The following ECPAS variants were observed in gnomAD, a reference collection of about 807,000 sequenced individuals.
ECPAS encodes Ecm29 proteasome adaptor and scaffold.
ECPAS carries 70 observed loss-of-function variants against 255.1 expected under a neutral mutation model. The ratio of observed to expected loss-of-function variants is 0.27; its 90% CI spans 0.23 to 0.33. The LOEUF is 0.33. Among genes scored for constraint, ECPAS ranks in the 10% least tolerant of loss-of-function variants. The pLI is 1.00. For synonymous variants in ECPAS, 784 were observed against 775.0 expected (o/e 1.01, Z -0.19); for missense variants, 1,817 against 2,206.4 (o/e 0.82, Z 3.54).
intron 23 of ECPAS, among the ~76,000 whole-genome samples, chr9:111,409,287 G>C (rs1302565124): frequency 6.6e-6 from 1 of 152,156 alleles, no homozygotes; most frequent in African/African-American, 2.4e-5. Flanking sequence ...GGCCAGGCTC[G>C]GTGGCTCAAG....
At position 111,477,257 on chromosome 9, in the gene ECPAS, C is replaced by T. The variant is rs569514305; in HGVS notation, c.-82-4257G>A. On this transcript the variant is annotated intron_variant, in intron 1 of 49. Coordinates refer to ENST00000684092, the MANE Select transcript of ECPAS (RefSeq NM_001364929.1). ...CCAAGAAGCTGGGACTACAGGTGCA[C>T]GTCCCAACACCCGGCTAATTTTTTT... is the stretch of plus-strand genomic sequence containing the variant. 1.4e-4 allele frequency among the ~76,000 whole-genome samples: 21 copies of T among 151,896 alleles called. No individual in the cohort carries two copies. In the East Asian group the frequency reaches 3.9e-3, roughly 28 times the overall value.
At chr9:111,456,885 T>C (rs1041813509) in intron 2 of ECPAS, among the ~76,000 whole-genome samples, 3 of 152,144 alleles carry the variant, frequency 2.0e-5, no homozygotes, top group African/African-American at 7.2e-5. Context: ...CTCACAAGTA[T>C]ATGATAACTG....
intron 17 of ECPAS, 57 bp from the exon 18 acceptor site, chr9:111,416,409 C>A: frequency 8.0e-7 from 1 of 1,242,982 alleles, no homozygotes; most frequent in South Asian, 1.2e-5. Flanking sequence ...CATACCTGCC[C>A]TTCCTCAACT....
Position 111,394,257 on chromosome 9 carries a change from T to C in ECPAS, c.2825A>G (p.Asn942Ser). ...VVPWVLDVIL[N>S]KHIISPNPHV... The stretch of plus-strand genomic sequence containing the variant: ...TGGGTTGGGGCTGATGATATGTTTA[T>C]TTAAAATCACATCCAACACCCATGG... Residue 942 changes from asparagine (N) to serine (S), a missense_variant, in exon 26 of 50, where the codon AAT becomes AGT. Physicochemically the swap from Asn to Ser is conservative, Grantham distance 46. Transcript: ENST00000684092. The C allele has an allele frequency of 2.5e-6, 4 of 1,603,784 alleles. No individual in the cohort carries two copies. In the South Asian group the frequency reaches 3.4e-5, roughly 13 times the overall value.
At chr9:111,422,716 C>G (rs2098215975) in intron 13 of ECPAS, among the ~76,000 whole-genome samples, 1 of 152,102 alleles carries the variant, frequency 6.6e-6, no homozygotes, top group African/African-American at 2.4e-5. Context: ...ATCTCTATCT[C>G]CCTGCTTTCA....
At chr9:111,424,184 C>G (rs1265936577) in intron 12 of ECPAS, among the ~76,000 whole-genome samples, 1 of 152,168 alleles carries the variant, frequency 6.6e-6, no homozygotes, top group East Asian at 1.9e-4. Context: ...GCTATGAGAA[C>G]CAGGCCTACT....
intron 24 of ECPAS, among the ~76,000 whole-genome samples, chr9:111,398,491 C>G (rs1332506111): frequency 6.6e-6 from 1 of 152,064 alleles, no homozygotes; most frequent in Non-Finnish European, 1.5e-5. Flanking sequence ...AAAATATGAA[C>G]AGATACATGG....
At chr9:111,407,499 T>C (rs2098186898) in intron 24 of ECPAS, among the ~76,000 whole-genome samples, 1 of 139,776 alleles carries the variant, frequency 7.2e-6, no homozygotes, top group South Asian at 2.5e-4. Context: ...AAAACCACTA[T>C]CATAAGTTTC....
At position 111,386,474 on chromosome 9, in the gene ECPAS, A is replaced by G. The variant is rs1245207016; in HGVS notation, c.3448-18T>C. On this transcript the variant is annotated intron_variant, in intron 31 of 49. Coordinates refer to ENST00000684092, the MANE Select transcript of ECPAS (RefSeq NM_001364929.1). ...TTATCCACCTAATGAAAGCAAAAGG[A>G]TAAAATTTAAAATGCAAAATCCATC... is the stretch of plus-strand genomic sequence containing the variant. The G allele has an allele frequency of 6.9e-7, 1 of 1,453,732 alleles. No individual in the cohort carries two copies. The highest frequency in any genetic ancestry group is 9.6e-7 in the Non-Finnish European group (1 of 1,046,300). 90.1% of individuals were successfully genotyped at this position (1,453,732 alleles called of 1,614,324 possible).
chr9:111,479,701 C>T (rs181947384), intron 1 of ECPAS, among the ~76,000 whole-genome samples: 334 of 152,172 alleles, frequency 2.2e-3, no homozygotes, highest in African/African-American at 7.5e-3. Flanking sequence ...TAACAATTGG[C>T]CAAGCATGGT....
In ECPAS at chr9:111,404,709, C is replaced by T. The variant is rs537435770; in HGVS notation, c.2652+3862G>A. Among the ~76,000 whole-genome samples the T allele has an allele frequency of 2.6e-4, 38 of 144,674 alleles. 2 individuals carry two copies. The highest frequency in any genetic ancestry group is 7.7e-4 in the African/African-American group (29 of 37,556). The allele number at this position is 144,674 out of a possible 152,430, so 94.9% of individuals were successfully genotyped here. ...ACTGTGAGTCAATTAAACCTGTTTT[C>T]TTTATAAGTTACCCACTTATAGCAG... On this transcript the variant is annotated intron_variant, in intron 24 of 49. Transcript: ENST00000684092.
intron 9 of ECPAS, among the ~76,000 whole-genome samples, chr9:111,429,164 C>T (rs2098226095): frequency 6.6e-6 from 1 of 152,030 alleles, no homozygotes. Flanking sequence ...CACCAAATAC[C>T]CATCTCGGTA....
rs2131898963 is a variant in ECPAS, at chr9:111,441,175, A to G, written c.390-654T>C. Among the ~76,000 whole-genome samples the G allele has an allele frequency of 2.0e-5, 3 of 150,948 alleles. No homozygotes were observed. In the South Asian group the frequency reaches 6.2e-4, roughly 31 times the overall value. ...TCAAAAAACAAAAATAAAAATAAAAAAATAAAAAATAAAAAATAAAAATTA... is the reference window on the plus strand; with the variant it reads ...TCAAAAAACAAAAATAAAAATAAAAGAATAAAAAATAAAAAATAAAAATTA... On this transcript the variant is annotated intron_variant, in intron 5 of 49. Coordinates refer to ENST00000684092, the MANE Select transcript of ECPAS (RefSeq NM_001364929.1).
intron 27 of ECPAS, among the ~76,000 whole-genome samples, chr9:111,393,227 C>T (rs904415346): frequency 3.9e-5 from 6 of 152,170 alleles, no homozygotes; most frequent in African/African-American, 1.4e-4. Flanking sequence ...GATCTCAATA[C>T]ACTCAGACCT....
At chr9:111,419,084 G>A (rs2098209016) in intron 16 of ECPAS, among the ~76,000 whole-genome samples, 1 of 152,020 alleles carries the variant, frequency 6.6e-6, no homozygotes. Flanking sequence ...GGCATGAGGG[G>A]CACACAGCTG....
rs1037741811 is a variant in ECPAS, at chr9:111,361,208, A to G, written c.*822T>C. 4.6e-5 allele frequency: 7 copies of G among 152,210 alleles called. No homozygotes were observed. Among genetic ancestry groups the G allele is most frequent in the African/African-American group, 1.7e-4 (7 of 41,456 alleles). 9.4% of individuals were successfully genotyped at this position (152,210 alleles called of 1,614,324 possible). On this transcript the variant is annotated 3_prime_UTR_variant, in exon 50 of 50. Coordinates refer to ENST00000684092, the MANE Select transcript of ECPAS (RefSeq NM_001364929.1). ...TGCGATTTTGTTTCTGGTTTTGCAAAATATGCAGCCACAGACACAGATAGA... is the reference window on the plus strand; with the variant it reads ...TGCGATTTTGTTTCTGGTTTTGCAAGATATGCAGCCACAGACACAGATAGA...
At chr9:111,453,443 G>A (rs931706054) in intron 2 of ECPAS, among the ~76,000 whole-genome samples, 2 of 151,676 alleles carry the variant, frequency 1.3e-5, no homozygotes, top group African/African-American at 4.8e-5. Context: ...GGGGGAAGAG[G>A]CAAATTTTTC....
chr9:111,451,690 G>C, intron 2 of ECPAS, 135 bp from the exon 3 acceptor site: 1 of 756,834 alleles, frequency 1.3e-6, no homozygotes, highest in East Asian at 2.9e-5. Flanking sequence ...GCCCTATACA[G>C]ATATTTTGAC....
At chr9:111,443,987 T>C (rs947969963) in intron 4 of ECPAS, among the ~76,000 whole-genome samples, 3 of 150,854 alleles carry the variant, frequency 2.0e-5, no homozygotes, top group African/African-American at 7.4e-5. Context: ...TCATGTATCT[T>C]CTTGCCATTT....
Sources: gnomAD v4.1 joint callset for allele counts (sites outside exome capture counted in the v4.1 genomes callset) on GRCh38, gnomAD v4.1.1 for gene constraint, MANE v1.5 for transcripts, NCBI Gene and HGNC (gene_info 2026-07-23, HGNC 2026-07-21) for gene names.